PISD: variants seen among roughly 807,000 people sequenced by gnomAD.
The protein encoded by PISD is phosphatidylserine decarboxylase.
A neutral mutation model predicts 43.5 loss-of-function variants in PISD; 31 were observed. The ratio of observed to expected loss-of-function variants is 0.71; its 90% confidence interval spans 0.54 to 0.96. PISD has a LOEUF of 0.96. Among genes scored for constraint, PISD ranks in the 40% least tolerant of loss-of-function variants. PISD has a pLI of 0.00. For synonymous variants in PISD, 259 were observed against 228.7 expected, an observed-to-expected ratio of 1.13 and a Z score of -1.20; for missense variants, 523 against 548.4, an observed-to-expected ratio of 0.95 and a Z score of 0.46.
chr22:31,624,759 G>A (rs7287937), intron 3 of PISD, among the ~76,000 whole-genome samples: 63,366 of 136,112 alleles, frequency 0.47, 14,084 homozygotes, highest in Middle Eastern at 0.56. Context: ...ACACACACGA[G>A]ACCCAAGCCC....
chr22:31,623,947 C>G lies in PISD; in HGVS notation c.322-2062G>C. On this transcript the variant is annotated intron_variant, in intron 3 of 7. Transcript: ENST00000439502. ...GCACCCAGGGCAGGATTCCTCCTGT[C>G]TACCCACCCTTGGCAAGCTGCCTCT... The G allele has an allele frequency of 2.6e-6, 3 of 1,162,482 alleles. No homozygotes were observed. The East Asian group carries it at 7.6e-5, about 29-fold the overall frequency. The allele number at this position is 1,162,482 out of a possible 1,614,324, so 72.0% of individuals were successfully genotyped here.
intron 1 of PISD, among the ~76,000 whole-genome samples, chr22:31,657,569 C>G (rs2147817573): frequency 6.6e-6 from 1 of 152,256 alleles, no homozygotes; most frequent in African/African-American, 2.4e-5. Flanking sequence ...GTTGCCCAGG[C>G]TGGAGTGCAA....
chr22:31,646,368 T>C (rs749410392), intron 3 of PISD, among the ~76,000 whole-genome samples: 5 of 152,224 alleles, frequency 3.3e-5, no homozygotes, highest in Non-Finnish European at 7.3e-5. Flanking sequence ...TGTACTCCAG[T>C]GTCCTGTCAC....
intron 3 of PISD, 115 bp downstream of exon 3, chr22:31,647,986 G>A (rs1040589732): frequency 9.0e-6 from 8 of 887,518 alleles, no homozygotes; most frequent in Non-Finnish European, 1.4e-5. Context: ...CTGGAGACAT[G>A]AGTTCCAAGA....
chr22:31,657,487 C>G (rs1421816435), intron 1 of PISD, among the ~76,000 whole-genome samples: 2 of 151,024 alleles, frequency 1.3e-5, no homozygotes, highest in African/African-American at 4.9e-5. Context: ...CAATAGTCAC[C>G]CTGTTGTGCT....
intron 3 of PISD, among the ~76,000 whole-genome samples, chr22:31,637,150 AAAAAAAAAAAAAAAAT>A (rs1415753094): frequency 1.0e-4 from 2 of 19,304 alleles, no homozygotes; most frequent in African/African-American, 4.3e-4. Context: ...AATTAAAAAA[AAAAAAAAAAAAAAAAT>A]ATATATATAT....
chr22:31,638,641 C>T (rs1041843674), intron 3 of PISD: 1 of 984,924 alleles, frequency 1.0e-6, no homozygotes, highest in African/African-American at 1.7e-5. Context: ...AGTTCTGTCT[C>T]TACTACTAGC....
Position 31,621,433 on chromosome 22 carries a change from C to T in PISD, c.598G>A (p.Val200Met). 6.2e-7 allele frequency: 1 copy of T among 1,614,180 alleles called. No homozygotes were observed. Among genetic ancestry groups the T allele is most frequent in the Non-Finnish European group, 8.5e-7 (1 of 1,180,030 alleles). The part of the protein sequence containing the change: ...SDGRILNFGQ[V>M]KNCEVEQVKG... ...ACCTGCTCCACCTCACAGTTCTTCA[C>T]CTGCCCAAAGTTGAGGATCCTTCCA... Residue 200 changes from valine to methionine, a missense_variant, in exon 5 of 8, where the codon GTG becomes ATG. Transcript: ENST00000439502.
chr22:31,629,065 T>C (rs2073060975), intron 3 of PISD: 1 of 985,516 alleles, frequency 1.0e-6, no homozygotes, highest in Non-Finnish European at 1.2e-6. Flanking sequence ...TGGGGATCCA[T>C]ACCAGAGCAG....
At chr22:31,625,481 C>G in intron 3 of PISD, 1 of 558,820 alleles carries the variant, frequency 1.8e-6, no homozygotes, top group Non-Finnish European at 3.2e-6. Flanking sequence ...GAGCAGGGGG[C>G]CTGGGAGCAC....
chr22:31,658,306 T>A (rs1229097998), intron 1 of PISD, among the ~76,000 whole-genome samples: 1 of 152,224 alleles, frequency 6.6e-6, no homozygotes, highest in African/African-American at 2.4e-5. Context: ...TTAGCAGCTG[T>A]GTGACCTTAG....
intron 1 of PISD, among the ~76,000 whole-genome samples, chr22:31,661,159 A>G (rs1044235289): frequency 1.3e-5 from 2 of 152,256 alleles, no homozygotes; most frequent in African/African-American, 4.8e-5. Flanking sequence ...CTCTCCTGAG[A>G]GATAATCATT....
chr22:31,629,315 C>T (rs961931353), intron 3 of PISD: 22 of 682,788 alleles, frequency 3.2e-5, no homozygotes, highest in South Asian at 1.3e-4. Context: ...TGGAGGGGTG[C>T]GTGTATAGGT....
rs552465677 is a variant in PISD, at chr22:31,629,033, C to T, written c.322-7148G>A. The stretch of plus-strand genomic sequence containing the variant: ...GGACCGTATAGGGGGTAGGGGAACA[C>T]CTTTGTCAGGACATGCTGTTTTGGG... On this transcript the variant is annotated intron_variant, in intron 3 of 7. Coordinates refer to ENST00000439502, the MANE Select transcript of PISD (RefSeq NM_001326411.2). The T allele has an allele frequency of 5.6e-3, 5,474 of 985,442 alleles. 19 individuals carry two copies. Among genetic ancestry groups the T allele is most frequent in the Non-Finnish European group, 6.3e-3 (5,247 of 829,990 alleles). 61.0% of individuals were successfully genotyped at this position (985,442 alleles called of 1,614,324 possible). A position where few individuals can be genotyped will look rare whatever the true frequency, so the allele number is the denominator to read the frequency against.
rs1386076022 is a variant in PISD at position 31,620,606 on chromosome 22, G to A, written c.952C>T (p.Leu318=). The change falls in exon 7 of 8, where the codon CTG becomes TTG. Residue 318 remains leucine, a synonymous_variant. Transcript: ENST00000439502. ...ACGTTGGTGGCCCCCACAGCTGTCA[G>A]TGAGAAGAAGCCATGTTTCCAGTCC... is the stretch of plus-strand genomic sequence containing the variant. ...TGDWKHGFFS[L]TAVGATNVGS... The A allele has an allele frequency of 1.2e-6, 2 of 1,614,238 alleles. No individual in the cohort carries two copies. The highest frequency in any genetic ancestry group is 1.7e-6 in the Non-Finnish European group (2 of 1,180,032).
Position 31,619,452 on chromosome 22 carries a change from TG to T in PISD, c.*159del, listed in dbSNP as rs1569479195. ...TCTCGCCACCTCTTGTCTGCACCTC[TG>T]GAACAGGTGGTAGCCGAATCATTCA... On this transcript the variant is annotated 3_prime_UTR_variant, in exon 8 of 8. Coordinates refer to ENST00000439502, the MANE Select transcript of PISD (RefSeq NM_001326411.2). 2.9e-6 allele frequency: 2 copies of T among 698,678 alleles called. No homozygotes were observed. The highest frequency in any genetic ancestry group is 2.0e-5 in the Admixed American group (1 of 49,744). 43.3% of individuals were successfully genotyped at this position (698,678 alleles called of 1,614,324 possible).
intron 3 of PISD, among the ~76,000 whole-genome samples, chr22:31,624,559 C>T (rs1052610431): frequency 5.9e-5 from 9 of 152,002 alleles, no homozygotes; most frequent in African/African-American, 1.9e-4. Context: ...CTATAACAGG[C>T]CAGGTTCTGA....
chr22:31,623,556 G>A (rs1054688615), intron 3 of PISD: 37 of 961,370 alleles, frequency 3.8e-5, no homozygotes, highest in East Asian at 2.7e-4. Context: ...CTTCCGACCC[G>A]GACCCCCTGA....
At position 31,619,701 on chromosome 22, in the gene PISD, C is replaced by T. The variant is rs1428426573; in HGVS notation, c.1141G>A (p.Val381Met). 1 of 1,614,234 alleles carries T rather than the reference C, an allele frequency of 6.2e-7. No homozygotes were observed. Among genetic ancestry groups the T allele is most frequent in the South Asian group, 1.1e-5 (1 of 91,088 alleles). ...TCCTTGGGGGCCTCGAAGATGAGCA[C>T]GATGGTGGAGCCCAGGTTGAACTCG... ...LGEFNLGSTI[V>M]LIFEAPKDFN... Residue 381 changes from valine to methionine, a missense_variant, in exon 8 of 8, where the codon GTG (valine) becomes ATG (methionine). Transcript: ENST00000439502.
Sources: gnomAD v4.1 joint callset for allele counts (sites outside exome capture counted in the v4.1 genomes callset) on GRCh38, gnomAD v4.1.1 for gene constraint, MANE v1.5 for transcripts, NCBI Gene and HGNC (gene_info 2026-07-23, HGNC 2026-07-21) for gene names.